Variants in ADGRG3 observed in about 807,000 individuals in gnomAD.
ADGRG3 encodes adhesion G protein-coupled receptor G3, also known as G protein-coupled receptor 97.
Under a neutral mutation model 54.3 loss-of-function variants are expected in ADGRG3, and 39 were observed. The ratio of observed to expected loss-of-function variants is 0.72; its 90% CI spans 0.56 to 0.94. The LOEUF (loss-of-function observed/expected upper bound fraction) is 0.94, where lower values mean the gene tolerates loss of function less well. Ranked by LOEUF, ADGRG3 falls within the 40% of genes least tolerant of loss-of-function variation. The pLI, the probability that ADGRG3 is intolerant of heterozygous loss-of-function variation, is 0.00. For synonymous variants in ADGRG3, 312 were observed against 290.0 expected (o/e 1.08, Z -0.77); for missense variants, 654 against 694.6 (o/e 0.94, Z 0.66).
intron 4 of ADGRG3, 76 bp from the exon 5 acceptor site, chr16:57,679,101 C>A: frequency 6.4e-7 from 1 of 1,562,620 alleles, no homozygotes; most frequent in Non-Finnish European, 8.7e-7. Flanking sequence ...TTCCTGGAGG[C>A]TCCTAGGAAC....
rs546333802 is a variant in ADGRG3 at position 57,688,742 on chromosome 16, T to C, written c.*281T>C. ...CAGTCACCTCCATGCCCTGCCCTCA[T>C]TGCAAAGCCCTCACTCACCTTCTGG... On this transcript the variant is annotated 3_prime_UTR_variant, in exon 12 of 12. Coordinates refer to ENST00000333493, the MANE Select transcript of ADGRG3 (RefSeq NM_170776.5). The C allele has an allele frequency of 8.4e-6, 3 of 358,546 alleles. No individual in the cohort carries two copies. The highest frequency in any genetic ancestry group is 4.8e-5 in the East Asian group (1 of 20,672). The allele number at this position is 358,546 out of a possible 1,614,324, so 22.2% of individuals were successfully genotyped here.
In ADGRG3 at chr16:57,685,665, AC is replaced by A; in HGVS notation, c.1281del (p.Met428CysfsTer61). 1 of 1,614,150 alleles carries A rather than the reference AC, an allele frequency of 6.2e-7. No homozygotes were observed. The highest frequency in any genetic ancestry group is 8.5e-7 in the Non-Finnish European group (1 of 1,180,008). ...CAGATGCTGGTTCCGTGAAGGGACA[AC>A]CATGTACGCCCTCTATATCACCGTC... ...LELCWFREGT[T>X]MYALYITVHG... is the part of the protein sequence containing the mutation. On this transcript the variant is annotated frameshift_variant, in exon 11 of 12. Transcript: ENST00000333493. LOFTEE classifies it high-confidence loss of function.
In ADGRG3 at chr16:57,674,281, T is replaced by C. The variant is rs189127444; in HGVS notation, c.206+813T>C. 2.0e-3 allele frequency among the ~76,000 whole-genome samples: 297 copies of C among 152,098 alleles called. 2 individuals carry two copies. The highest frequency in any genetic ancestry group is 6.1e-3 in the African/African-American group (252 of 41,500). ...GATGGATTGGGGAGATGATACGATG[T>C]AGACTCCGTAAGACAAGAGACTGGT... On this transcript the variant is annotated intron_variant, in intron 2 of 11. Coordinates refer to ENST00000333493, the MANE Select transcript of ADGRG3 (RefSeq NM_170776.5).
intron 8 of ADGRG3, chr16:57,682,338 C>A: frequency 3.6e-6 from 1 of 277,226 alleles, no homozygotes; most frequent in Non-Finnish European, 5.5e-6. Flanking sequence ...GGGTCTCCTG[C>A]CCCCGCATCC....
In ADGRG3 at chr16:57,679,160, G is replaced by C. The variant is rs200245352; in HGVS notation, c.493-17G>C. On this transcript the variant is annotated splice_polypyrimidine_tract_variant and intron_variant, in intron 4 of 11. Coordinates refer to ENST00000333493, the MANE Select transcript of ADGRG3 (RefSeq NM_170776.5). ...GCCCCTTCTGCAGCCTGGCCTCCCC[G>C]ATCTCCCCTTTCACAGGGCCCCCGG... The C allele has an allele frequency of 1.2e-5, 19 of 1,612,998 alleles. No homozygotes were observed. The African/African-American group carries it at 2.1e-4, about 18-fold the overall frequency.
intron 8 of ADGRG3, among the ~76,000 whole-genome samples, chr16:57,683,036 G>A (rs575519381): frequency 1.4e-4 from 21 of 152,356 alleles, no homozygotes; most frequent in African/African-American, 5.1e-4. Context: ...GGCATTCAGA[G>A]ATGGCCTCCC....
chr16:57,684,608 AATCCTCAG>A, intron 10 of ADGRG3, 125 bp downstream of exon 10: 1 of 653,608 alleles, frequency 1.5e-6, no homozygotes, highest in Non-Finnish European at 2.7e-6. Context: ...AGACCAGAAG[AATCCTCAG>A]ATCCAGCTAG....
In ADGRG3 at chr16:57,688,360, A is replaced by T. The variant is rs372515822; in HGVS notation, c.1549A>T (p.Ile517Phe). 6.2e-7 allele frequency: 1 copy of T among 1,610,442 alleles called. No homozygotes were observed. Among genetic ancestry groups the T allele is most frequent in the South Asian group, 1.1e-5 (1 of 90,986 alleles). Residue 517 changes from isoleucine (I) to phenylalanine (F), a missense_variant, in exon 12 of 12, where the codon ATC becomes TTC. Ile to Phe is a conservative substitution (Grantham distance 21). Transcript: ENST00000333493. ...CCTCTCCTTCCTAACAGGTGTCTTC[A>T]TCTGCTGCTGGTTCACCATCCTTTA... Reference protein sequence around the residue: ...ALFNSLQGVFICCWFTILYLP... With the variant: ...ALFNSLQGVFFCCWFTILYLP...
chr16:57,682,363 G>A (rs1362452118), intron 8 of ADGRG3: 2 of 442,890 alleles, frequency 4.5e-6, no homozygotes. Flanking sequence ...CCGTCCCTCC[G>A]CCCTCTCCAC....
In ADGRG3 at chr16:57,685,900, T is replaced by A; in HGVS notation, c.1514T>A (p.Ile505Asn). The change falls in exon 11 of 12, where the codon ATC becomes AAC. Residue 505 changes from isoleucine to asparagine, a missense_variant. Coordinates refer to ENST00000333493, the MANE Select transcript of ADGRG3 (RefSeq NM_170776.5). ...FTPLGLSTVY[I>N]FALFNSLQGV... Reference sequence around the variant, plus strand: ...CCGTTGGGCCTCTCCACCGTCTACATCTTTGCACTTTTCAACTCCTTGCAA... The same window carrying A: ...CCGTTGGGCCTCTCCACCGTCTACAACTTTGCACTTTTCAACTCCTTGCAA... The A allele has an allele frequency of 6.2e-7, 1 of 1,614,076 alleles. No individual in the cohort carries two copies. The highest frequency in any genetic ancestry group is 1.6e-4 in the Middle Eastern group (1 of 6,062).
intron 8 of ADGRG3, among the ~76,000 whole-genome samples, chr16:57,682,070 A>T (rs941199244): frequency 6.6e-6 from 1 of 152,236 alleles, no homozygotes; most frequent in African/African-American, 2.4e-5. Context: ...GTTTGAGCTA[A>T]CAAAGAACCC....
At position 57,680,176 on chromosome 16, in the gene ADGRG3, T is replaced by C. The variant is rs561460433; in HGVS notation, c.668-89T>C. On this transcript the variant is annotated intron_variant, in intron 6 of 11. Transcript: ENST00000333493. ...CTCCCTTACCCTCCCCTCCCTATATTCCCTTCCCCTCTGTTCCCCTCCTCT... is the reference window on the plus strand; with the variant it reads ...CTCCCTTACCCTCCCCTCCCTATATCCCCTTCCCCTCTGTTCCCCTCCTCT... 6.7e-5 allele frequency: 34 copies of C among 508,370 alleles called. No homozygotes were observed. The Admixed American group carries it at 8.7e-4, about 13-fold the overall frequency. The allele number at this position is 508,370 out of a possible 1,614,324, so 31.5% of individuals were successfully genotyped here.
Position 57,678,200 on chromosome 16 carries a change from A to G in ADGRG3, c.376A>G (p.Lys126Glu). ...GAGGCAGGTGATGAAGGACGAGGAC[A>G]AGCCCCCTGACAGAGTGCGACTTCC... ...VPRQVMKDED[K>E]PPDRVRLPKS... Residue 126 changes from lysine (K) to glutamate (E), a missense_variant, in exon 4 of 12, where the codon AAG becomes GAG. Physicochemically the swap from Lys to Glu is moderately conservative, Grantham distance 56 (BLOSUM62 1). Coordinates refer to ENST00000333493, the MANE Select transcript of ADGRG3 (RefSeq NM_170776.5). The G allele has an allele frequency of 6.2e-7, 1 of 1,614,194 alleles. No homozygotes were observed. The highest frequency in any genetic ancestry group is 1.1e-5 in the South Asian group (1 of 91,084).
At chr16:57,669,835 C>G (rs1257254749) in intron 1 of ADGRG3, among the ~76,000 whole-genome samples, 1 of 152,144 alleles carries the variant, frequency 6.6e-6, no homozygotes, top group Non-Finnish European at 1.5e-5. Flanking sequence ...TGAGACCCAG[C>G]TGTTAGGGCT....
chr16:57,676,396 T>C, intron 3 of ADGRG3, 58 bp downstream of exon 3: 1 of 1,538,124 alleles, frequency 6.5e-7, no homozygotes, highest in Non-Finnish European at 9.0e-7. Flanking sequence ...TGGACGTATA[T>C]TTCAAAACTC....
Position 57,668,389 on chromosome 16 carries a change from C to G in ADGRG3, c.42C>G (p.Leu14=). ...PRGLGALLLL[L]LLPTSGQEKP... is the part of the protein sequence containing the mutation. ...GCCTGGGGGCCCTGCTCCTGCTCCT[C>G]CTGCTCCCGACCTCAGGTGAGTGGC... The change falls in exon 1 of 12, where the codon CTC becomes CTG. Residue 14 remains leucine, a synonymous_variant. Transcript: ENST00000333493. 1 of 1,574,864 alleles carries G rather than the reference C, an allele frequency of 6.3e-7. No individual in the cohort carries two copies. The highest frequency in any genetic ancestry group is 8.6e-7 in the Non-Finnish European group (1 of 1,167,988).
chr16:57,688,325 C>A, intron 11 of ADGRG3, 27 bp from the exon 12 acceptor site: 1 of 1,456,870 alleles, frequency 6.9e-7, no homozygotes, highest in Non-Finnish European at 9.6e-7. Context: ...CCTTTCCAGG[C>A]TCACCGAGGC....
intron 9 of ADGRG3, 32 bp from the exon 10 acceptor site, chr16:57,684,358 A>G (rs759436297): frequency 6.3e-7 from 1 of 1,592,940 alleles, no homozygotes; most frequent in East Asian, 2.2e-5. Context: ...AGTAAGCCCC[A>G]GTGGTGTCAT....
intron 1 of ADGRG3, among the ~76,000 whole-genome samples, chr16:57,669,316 C>T (rs573896296): frequency 2.0e-5 from 3 of 152,354 alleles, no homozygotes; most frequent in Admixed American, 6.5e-5. Context: ...TCTTTTCAAA[C>T]ATTGGAAGAT....
Sources: allele counts gnomAD v4.1 joint callset (sites outside exome capture counted in the v4.1 genomes callset), GRCh38; gene constraint gnomAD v4.1.1; transcripts MANE v1.5; gene names NCBI Gene and HGNC (gene_info 2026-07-23, HGNC 2026-07-21).